Variants in CDH13 observed in about 807,000 individuals in gnomAD.
CDH13 encodes the protein cadherin 13.
A neutral mutation model predicts 63.8 loss-of-function variants in CDH13; 24 were observed. That is an observed-to-expected ratio of 0.38 (90% CI 0.27 to 0.53). CDH13 has a LOEUF of 0.53. Among genes scored for constraint, CDH13 ranks in the 20% least tolerant of loss-of-function variants. The pLI, the probability that CDH13 is intolerant of heterozygous loss-of-function variation, is 0.85. For missense variants in CDH13, 1,049 were observed against 903.1 expected, an observed-to-expected ratio of 1.16 and a Z score of -2.07; for synonymous variants, 503 against 355.3, an observed-to-expected ratio of 1.42 and a Z score of -4.67.
At chr16:82,745,325 G>A (rs909681666) in intron 1 of CDH13, among the ~76,000 whole-genome samples, 11 of 152,244 alleles carry the variant, frequency 7.2e-5, no homozygotes, top group Admixed American at 1.3e-4. Flanking sequence ...TGTAACTCAG[G>A]ACTGATTTTG....
intron 6 of CDH13, among the ~76,000 whole-genome samples, chr16:83,441,655 G>A (rs1037772985): frequency 1.3e-5 from 2 of 152,148 alleles, no homozygotes; most frequent in African/African-American, 4.8e-5. Flanking sequence ...TACGGTTTAT[G>A]ACTCACAGCT....
At chr16:82,940,390 C>G (rs1904275542) in intron 2 of CDH13, among the ~76,000 whole-genome samples, 1 of 152,114 alleles carries the variant, frequency 6.6e-6, no homozygotes, top group African/African-American at 2.4e-5. Context: ...ATAAACATCA[C>G]TGTTTTGCTC....
chr16:83,472,265 C>A (rs1447502876), intron 6 of CDH13, among the ~76,000 whole-genome samples: 2 of 152,212 alleles, frequency 1.3e-5, no homozygotes, highest in African/African-American at 2.4e-5. Flanking sequence ...TGTGGGCATG[C>A]TGCTAACCCT....
chr16:83,482,997 G>A (rs1436368692), intron 6 of CDH13, among the ~76,000 whole-genome samples: 2 of 152,168 alleles, frequency 1.3e-5, no homozygotes, highest in Non-Finnish European at 2.9e-5. Context: ...GAACACTAAT[G>A]TACTAGGCAC....
intron 1 of CDH13, among the ~76,000 whole-genome samples, chr16:82,678,339 C>A (rs1385112598): frequency 7.8e-6 from 1 of 127,730 alleles, no homozygotes; most frequent in African/African-American, 3.1e-5. Context: ...TTTTTTAGCT[C>A]TGAAAGCTCA....
At chr16:83,453,380 A>G (rs2072934524) in intron 6 of CDH13, among the ~76,000 whole-genome samples, 1 of 152,228 alleles carries the variant, frequency 6.6e-6, no homozygotes, top group South Asian at 2.1e-4. Context: ...AAAAAATTAA[A>G]AATAAAATGA....
chr16:82,682,911 T>G (rs1307524468), intron 1 of CDH13, among the ~76,000 whole-genome samples: 2 of 152,134 alleles, frequency 1.3e-5, no homozygotes, highest in African/African-American at 4.8e-5. Flanking sequence ...ACACAGCCAT[T>G]GCCCACAGTT....
Position 82,697,521 on chromosome 16 carries a change from C to T in CDH13, c.45+70384C>T, listed in dbSNP as rs142047642. On this transcript the variant is annotated intron_variant, in intron 1 of 13. Coordinates refer to ENST00000567109, the MANE Select transcript of CDH13 (RefSeq NM_001257.5). Reference sequence around the variant, plus strand: ...CTCGACTCACTGCAACCTCTGCCTCCGGGTTCAAGCAATTCTTCTGCCTCA... The same window carrying T: ...CTCGACTCACTGCAACCTCTGCCTCTGGGTTCAAGCAATTCTTCTGCCTCA... 8.5e-3 allele frequency among the ~76,000 whole-genome samples: 1,236 copies of T among 144,656 alleles called. 14 individuals carry two copies. Among genetic ancestry groups the T allele is most frequent in the African/African-American group, 0.027 (1,063 of 39,460 alleles). 94.9% of individuals were successfully genotyped at this position (144,656 alleles called of 152,430 possible).
intron 1 of CDH13, among the ~76,000 whole-genome samples, chr16:82,693,563 C>T (rs1451592502): frequency 6.6e-6 from 1 of 152,210 alleles, no homozygotes; most frequent in Non-Finnish European, 1.5e-5. Flanking sequence ...CATTTTCCTA[C>T]ATTAAACCCT....
At chr16:83,794,294 A>G (rs930065063) in intron 13 of CDH13, among the ~76,000 whole-genome samples, 2 of 152,340 alleles carry the variant, frequency 1.3e-5, no homozygotes, top group East Asian at 3.9e-4. Context: ...AGGTGAGCCT[A>G]TAACCCCCAG....
At chr16:82,859,104 C>A (rs1379714337) in intron 2 of CDH13, 1 of 152,184 alleles carries the variant, frequency 6.6e-6, no homozygotes, top group Non-Finnish European at 1.5e-5. Context: ...ATTGCTTTAT[C>A]TTTAAGAAGT....
intron 2 of CDH13, among the ~76,000 whole-genome samples, chr16:82,998,951 C>A (rs551378358): frequency 6.7e-6 from 1 of 149,472 alleles, no homozygotes; most frequent in African/African-American, 2.5e-5. Flanking sequence ...CATTCTCTGC[C>A]GCTGTAATTT....
chr16:83,776,600 C>G (rs1354844675), intron 11 of CDH13, among the ~76,000 whole-genome samples: 2 of 152,182 alleles, frequency 1.3e-5, no homozygotes, highest in African/African-American at 4.8e-5. Flanking sequence ...TCGGCTCGCA[C>G]TTCTTCATGA....
intron 5 of CDH13, among the ~76,000 whole-genome samples, chr16:83,224,328 C>G (rs374989378): frequency 1.3e-5 from 2 of 152,224 alleles, no homozygotes; most frequent in African/African-American, 2.4e-5. Flanking sequence ...GTGCAAGTAT[C>G]TTTTTCGTAT....
intron 10 of CDH13, among the ~76,000 whole-genome samples, chr16:83,703,246 C>T (rs1300816240): frequency 6.6e-6 from 1 of 152,156 alleles, no homozygotes; most frequent in East Asian, 1.9e-4. Flanking sequence ...CTTCCATACC[C>T]GTAATTTCAT....
At chr16:83,645,792 A>G (rs1424980099) in intron 8 of CDH13, among the ~76,000 whole-genome samples, 1 of 152,118 alleles carries the variant, frequency 6.6e-6, no homozygotes, top group East Asian at 1.9e-4. Flanking sequence ...GAGAGGAGGC[A>G]TCATTTCCTG....
At chr16:82,790,741 A>C (rs528325452) in intron 1 of CDH13, among the ~76,000 whole-genome samples, 73 of 152,302 alleles carry the variant, frequency 4.8e-4, no homozygotes, top group African/African-American at 1.6e-3. Context: ...ATTGTTTACC[A>C]GGCAGCAGGA....
chr16:83,204,468 T>C (rs1426409763), intron 4 of CDH13, among the ~76,000 whole-genome samples: 1 of 152,218 alleles, frequency 6.6e-6, no homozygotes, highest in African/African-American at 2.4e-5. Context: ...CTGTTGAGCA[T>C]ATTTATGTAC....
chr16:83,651,658 C>G (rs1405785081), intron 8 of CDH13, among the ~76,000 whole-genome samples: 1 of 131,842 alleles, frequency 7.6e-6, no homozygotes, highest in Non-Finnish European at 1.6e-5. Context: ...TGCAGTAGCA[C>G]AATCTTGGCT....
Sources: gnomAD v4.1 joint callset for allele counts (sites outside exome capture counted in the v4.1 genomes callset) on GRCh38, gnomAD v4.1.1 for gene constraint, MANE v1.5 for transcripts, NCBI Gene and HGNC (gene_info 2026-07-23, HGNC 2026-07-21) for gene names.